The following ROBO1 variants were observed in gnomAD, a reference collection of about 807,000 sequenced individuals.
ROBO1 encodes the protein roundabout guidance receptor 1.
Under a neutral mutation model 195.9 loss-of-function variants are expected in ROBO1, and 149 were observed. That is an observed-to-expected ratio of 0.76 (90% CI 0.67 to 0.87). The LOEUF (loss-of-function observed/expected upper bound fraction) is 0.87. Ranked by LOEUF, ROBO1 falls within the 40% of genes least tolerant of loss-of-function variation. The pLI is 0.00. For synonymous variants in ROBO1, 816 were observed against 733.2 expected, an observed-to-expected ratio of 1.11 and a Z score of -1.82; for missense variants, 1,933 against 2,068.3, an observed-to-expected ratio of 0.93 and a Z score of 1.27.
At chr3:79,359,561 A>T (rs1432851514) in intron 2 of ROBO1, among the ~76,000 whole-genome samples, 4 of 151,974 alleles carry the variant, frequency 2.6e-5, no homozygotes, top group Non-Finnish European at 4.4e-5. Flanking sequence ...GGTTCTAATG[A>T]TCAAGTTGTC....
chr3:79,681,255 G>T (rs1338445905), intron 1 of ROBO1, among the ~76,000 whole-genome samples: 1 of 151,952 alleles, frequency 6.6e-6, no homozygotes, highest in Non-Finnish European at 1.5e-5. Context: ...AAATTCCAAA[G>T]AATGGAATGG....
chr3:79,089,551 C>G (rs910206143), intron 3 of ROBO1, among the ~76,000 whole-genome samples: 3 of 152,054 alleles, frequency 2.0e-5, no homozygotes, highest in Non-Finnish European at 4.4e-5. Context: ...AGATTAAGTT[C>G]TAGAAACAAA....
chr3:78,712,293 A>C (rs35848694), intron 8 of ROBO1, among the ~76,000 whole-genome samples: 1 of 152,160 alleles, frequency 6.6e-6, no homozygotes, highest in African/African-American at 2.4e-5. Context: ...TGAGCTATAC[A>C]CAAAACACGG....
chr3:79,569,543 A>G (rs1943202733), intron 2 of ROBO1, among the ~76,000 whole-genome samples: 1 of 152,122 alleles, frequency 6.6e-6, no homozygotes, highest in African/African-American at 2.4e-5. Context: ...TGAACACATT[A>G]ATAGGTCAAC....
chr3:78,806,420 T>G (rs1310377000), intron 4 of ROBO1, among the ~76,000 whole-genome samples: 1 of 151,814 alleles, frequency 6.6e-6, no homozygotes, highest in Non-Finnish European at 1.5e-5. Flanking sequence ...GGGAAAGAGT[T>G]GGGATAAAAA....
chr3:79,223,842 T>C (rs2082182746), intron 2 of ROBO1, among the ~76,000 whole-genome samples: 1 of 152,198 alleles, frequency 6.6e-6, no homozygotes, highest in Admixed American at 6.6e-5. Context: ...TAGATGACTC[T>C]AAAACAATAG....
intron 3 of ROBO1, among the ~76,000 whole-genome samples, chr3:79,065,406 G>T (rs935469513): frequency 7.9e-5 from 12 of 151,836 alleles, no homozygotes; most frequent in African/African-American, 2.9e-4. Context: ...AAAAATGACC[G>T]ATCTGTGAGC....
intron 2 of ROBO1, among the ~76,000 whole-genome samples, chr3:79,398,667 T>C (rs892917530): frequency 3.3e-5 from 5 of 152,162 alleles, no homozygotes; most frequent in Non-Finnish European, 7.3e-5. Flanking sequence ...AAGAGCCCTA[T>C]GTACTGCAGT....
chr3:78,879,100 A>G (rs2107234078), intron 4 of ROBO1, among the ~76,000 whole-genome samples: 1 of 152,314 alleles, frequency 6.6e-6, no homozygotes, highest in Non-Finnish European at 1.5e-5. Context: ...TTCTGCCTAA[A>G]ACATTTTAAA....
intron 3 of ROBO1, among the ~76,000 whole-genome samples, chr3:79,067,079 G>A (rs2079016077): frequency 6.6e-6 from 1 of 151,804 alleles, no homozygotes; most frequent in Non-Finnish European, 1.5e-5. Flanking sequence ...TTTCATACAT[G>A]GAAAAATTTT....
At chr3:79,317,146 G>T (rs1036678232) in intron 2 of ROBO1, among the ~76,000 whole-genome samples, 2 of 151,970 alleles carry the variant, frequency 1.3e-5, no homozygotes, top group Non-Finnish European at 2.9e-5. Flanking sequence ...ATTTCCTAAG[G>T]CCAGAAGGTC....
At chr3:79,204,611 G>C (rs2081832426) in intron 2 of ROBO1, among the ~76,000 whole-genome samples, 1 of 152,116 alleles carries the variant, frequency 6.6e-6, no homozygotes, top group Non-Finnish European at 1.5e-5. Context: ...ATTGGATTAA[G>C]ACCTGCCACA....
chr3:79,169,733 C>A (rs2081133678), intron 2 of ROBO1, among the ~76,000 whole-genome samples: 1 of 152,020 alleles, frequency 6.6e-6, no homozygotes, highest in Admixed American at 6.6e-5. Flanking sequence ...AGGATCACAG[C>A]TGTTATAAGT....
At chr3:79,386,875 CCTAA>C (rs1432848585) in intron 2 of ROBO1, among the ~76,000 whole-genome samples, 3 of 151,914 alleles carry the variant, frequency 2.0e-5, no homozygotes, top group African/African-American at 7.3e-5. Flanking sequence ...AAAAAACGAT[CCTAA>C]CTTATTGTTA....
rs145186389 is a variant in ROBO1 at position 79,496,387 on chromosome 3, C to CATTTTTTTTTTTTTTTTTTTTTTTTT, written c.88+93436_88+93437insAAAAAAAAAAAAAAAAAAAAAAAAAT. Among the ~76,000 whole-genome samples the CATTTTTTTTTTTTTTTTTTTTTTTTT allele has an allele frequency of 3.1e-3, 352 of 112,572 alleles. 93 individuals carry two copies. Among genetic ancestry groups the CATTTTTTTTTTTTTTTTTTTTTTTTT allele is most frequent in the East Asian group, 7.5e-3 (28 of 3,746 alleles). The allele number at this position is 112,572 out of a possible 152,430, so 73.9% of individuals were successfully genotyped here. ...TTTTGGTATAATGCTGCGCACCCAT[C>CATTTTTTTTTTTTTTTTTTTTTTTTT]TTTTTTTGAGACGGAGTCTCGCTCT... On this transcript the variant is annotated intron_variant, in intron 2 of 30. Coordinates refer to ENST00000464233, the MANE Select transcript of ROBO1 (RefSeq NM_002941.4).
chr3:79,216,128 G>A lies in ROBO1; in HGVS notation c.89-90589C>T, dbSNP rs371634683. Among the ~76,000 whole-genome samples, 339 of 152,014 alleles carry A rather than the reference G, an allele frequency of 2.2e-3. 2 individuals are homozygous for A. The highest frequency in any genetic ancestry group is 7.2e-3 in the African/African-American group (297 of 41,500). ...ATTCTTTTAAAATAAAATAAGCAAT[G>A]GTTTTGGCATATATAAACTTTTAAA... is the stretch of plus-strand genomic sequence containing the variant. On this transcript the variant is annotated intron_variant, in intron 2 of 30. Transcript: ENST00000464233.
intron 3 of ROBO1, among the ~76,000 whole-genome samples, chr3:78,975,214 C>G (rs2076858992): frequency 6.6e-6 from 1 of 152,132 alleles, no homozygotes; most frequent in Non-Finnish European, 1.5e-5. Context: ...TATACTTAAA[C>G]TAAAATATCT....
At chr3:78,936,004 A>G (rs2039785225) in intron 4 of ROBO1, among the ~76,000 whole-genome samples, 1 of 152,064 alleles carries the variant, frequency 6.6e-6, no homozygotes, top group Non-Finnish European at 1.5e-5. Flanking sequence ...GAACAGCAGC[A>G]AAACATTAAC....
chr3:78,640,892 G>A (rs1039894022), intron 21 of ROBO1, among the ~76,000 whole-genome samples: 6 of 151,956 alleles, frequency 3.9e-5, no homozygotes, highest in Admixed American at 2.6e-4. Flanking sequence ...ATTTACCTGG[G>A]AAGCAAGAAA....
Sources: allele counts gnomAD v4.1 joint callset (sites outside exome capture counted in the v4.1 genomes callset), GRCh38; gene constraint gnomAD v4.1.1; transcripts MANE v1.5; gene names NCBI Gene and HGNC (gene_info 2026-07-23, HGNC 2026-07-21).